Variants in CACNA2D1 observed in about 807,000 individuals in gnomAD.
CACNA2D1 encodes voltage-dependent calcium channel subunit alpha-2/delta-1.
In CACNA2D1, 53 loss-of-function variants were observed where a neutral mutation model predicts 171.5. The observed-to-expected ratio is 0.31, with a 90% confidence interval of 0.25 to 0.39. The LOEUF (loss-of-function observed/expected upper bound fraction) is 0.39, where lower values mean the gene tolerates loss of function less well. Among genes scored for constraint, CACNA2D1 ranks in the 10% least tolerant of loss-of-function variants. CACNA2D1 has a pLI of 1.00. For synonymous variants in CACNA2D1, 442 were observed against 443.1 expected (o/e 1.00, Z 0.03); for missense variants, 903 against 1,299.8 (o/e 0.69, Z 4.69).
chr7:82,025,780 CTCTA>C (rs966449712), intron 12 of CACNA2D1, among the ~76,000 whole-genome samples: 4 of 151,680 alleles, frequency 2.6e-5, no homozygotes, highest in African/African-American at 9.7e-5. Flanking sequence ...GTCAAATGTT[CTCTA>C]TCTGTTTAAG....
intron 1 of CACNA2D1, among the ~76,000 whole-genome samples, chr7:82,401,015 C>G (rs1826340780): frequency 6.6e-6 from 1 of 152,294 alleles, no homozygotes; most frequent in East Asian, 1.9e-4. Context: ...GATACCATCT[C>G]ACACCAGTTA....
chr7:82,399,468 A>T (rs1826111724), intron 1 of CACNA2D1, among the ~76,000 whole-genome samples: 1 of 152,080 alleles, frequency 6.6e-6, no homozygotes. Context: ...ACTCTGTTTT[A>T]AATAGCTATG....
intron 3 of CACNA2D1, among the ~76,000 whole-genome samples, chr7:82,196,640 G>A (rs1480068872): frequency 6.6e-6 from 1 of 152,014 alleles, no homozygotes; most frequent in East Asian, 1.9e-4. Context: ...ACAGTTGATG[G>A]AGGGGAGCAA....
chr7:82,182,607 T>C (rs1797248995), intron 3 of CACNA2D1, among the ~76,000 whole-genome samples: 1 of 151,786 alleles, frequency 6.6e-6, no homozygotes. Context: ...AATCTAAAAA[T>C]CAACTCTTCA....
At position 82,283,656 on chromosome 7, in the gene CACNA2D1, C is replaced by CA. The variant is rs200879942; in HGVS notation, c.294+51478dup. Among the ~76,000 whole-genome samples, 760 of 147,956 alleles carry CA rather than the reference C, an allele frequency of 5.1e-3. 15 individuals carry two copies. The East Asian group carries it at 0.079, about 15-fold the overall frequency. On this transcript the variant is annotated intron_variant, in intron 3 of 38. Coordinates refer to ENST00000356860, the MANE Select transcript of CACNA2D1 (RefSeq NM_000722.4). ...AAGATTCTTATATACTAACAATCACCATAAAGAATCTCTATTTTTTTTAGT... is the reference window on the plus strand; with the variant it reads ...AAGATTCTTATATACTAACAATCACCAATAAAGAATCTCTATTTTTTTTAGT...
At chr7:82,143,846 A>G (rs1271914356) in intron 4 of CACNA2D1, among the ~76,000 whole-genome samples, 1 of 152,142 alleles carries the variant, frequency 6.6e-6, no homozygotes, top group African/African-American at 2.4e-5. Flanking sequence ...AAAATTACAC[A>G]CCAGTAAATC....
At chr7:81,960,375 G>A (rs891093855) in intron 36 of CACNA2D1, among the ~76,000 whole-genome samples, 1 of 151,904 alleles carries the variant, frequency 6.6e-6, no homozygotes, top group Non-Finnish European at 1.5e-5. Flanking sequence ...TGTGACTGAG[G>A]CACAAAATTT....
Position 82,225,428 on chromosome 7 carries a change from T to C in CACNA2D1, c.295-54819A>G, listed in dbSNP as rs906639327. On this transcript the variant is annotated intron_variant, in intron 3 of 38. Coordinates refer to ENST00000356860, the MANE Select transcript of CACNA2D1 (RefSeq NM_000722.4). ...AAATTCTACCTACTACCTACCAGAATAGGATTCAAGAATTCCAACAATCTC... is the reference window on the plus strand; with the variant it reads ...AAATTCTACCTACTACCTACCAGAACAGGATTCAAGAATTCCAACAATCTC... Among the ~76,000 whole-genome samples the C allele has an allele frequency of 3.3e-5, 5 of 152,304 alleles. No homozygotes were observed. In the East Asian group the frequency reaches 5.8e-4, roughly 18 times the overall value.
At chr7:82,075,302 A>T (rs1433983626) in intron 7 of CACNA2D1, among the ~76,000 whole-genome samples, 1 of 152,216 alleles carries the variant, frequency 6.6e-6, no homozygotes, top group Non-Finnish European at 1.5e-5. Context: ...ATTTTTATTT[A>T]AAGGGGTATC....
chr7:82,413,759 T>G (rs556650599), intron 1 of CACNA2D1, among the ~76,000 whole-genome samples: 1 of 152,172 alleles, frequency 6.6e-6, no homozygotes, highest in Admixed American at 6.5e-5. Context: ...TTCTATTGGC[T>G]TTGTTTCTTC....
In CACNA2D1 at chr7:82,060,190, T is replaced by TATATATTATA. The variant is rs1491114373; in HGVS notation, c.879+237_879+238insTATAATATAT. 1.5e-4 allele frequency among the ~76,000 whole-genome samples: 2 copies of TATATATTATA among 13,128 alleles called. 1 individual carries two copies. The highest frequency in any genetic ancestry group is 2.9e-4 in the African/African-American group (2 of 7,008). 8.6% of individuals were successfully genotyped at this position (13,128 alleles called of 152,430 possible). ...AATATATATATATAATATATATATA[T>TATATATTATA]TATATATATATTATATATATAATAT... On this transcript the variant is annotated intron_variant, in intron 10 of 38. Coordinates refer to ENST00000356860, the MANE Select transcript of CACNA2D1 (RefSeq NM_000722.4).
intron 38 of CACNA2D1, among the ~76,000 whole-genome samples, chr7:81,951,974 T>TG (rs1554321703): frequency 1.0e-3 from 155 of 147,720 alleles, no homozygotes; most frequent in African/African-American, 3.5e-3. Flanking sequence ...AAAGTGTTTT[T>TG]TTTTTTTTTT....
intron 1 of CACNA2D1, among the ~76,000 whole-genome samples, chr7:82,438,505 G>A (rs528944843): frequency 8.7e-4 from 132 of 152,246 alleles, no homozygotes; most frequent in African/African-American, 3.0e-3. Context: ...TGACATTGAG[G>A]TCAATTGCCT....
At chr7:82,309,956 T>C (rs1814225832) in intron 3 of CACNA2D1, among the ~76,000 whole-genome samples, 1 of 152,270 alleles carries the variant, frequency 6.6e-6, no homozygotes, top group Middle Eastern at 3.4e-3. Flanking sequence ...TTATGTGAAA[T>C]TAAGTAATAG....
intron 1 of CACNA2D1, among the ~76,000 whole-genome samples, chr7:82,350,695 A>C (rs898046948): frequency 4.6e-5 from 7 of 152,190 alleles, no homozygotes; most frequent in South Asian, 2.1e-4. Context: ...ACAACAACAA[A>C]AAAATTATTT....
intron 10 of CACNA2D1, among the ~76,000 whole-genome samples, chr7:82,054,255 G>A (rs1805544169): frequency 6.6e-6 from 1 of 152,148 alleles, no homozygotes. Context: ...TTCTAATCAA[G>A]CTAGATGATA....
At chr7:82,067,017 AAAC>A (rs1011975441) in intron 7 of CACNA2D1, among the ~76,000 whole-genome samples, 3 of 152,164 alleles carry the variant, frequency 2.0e-5, no homozygotes, top group African/African-American at 7.2e-5. Flanking sequence ...GCTATAATTA[AAAC>A]AACTCCATAG....
chr7:81,986,242 A>G (rs1278303735), intron 21 of CACNA2D1, among the ~76,000 whole-genome samples: 2 of 152,172 alleles, frequency 1.3e-5, no homozygotes, highest in Non-Finnish European at 2.9e-5. Context: ...GTTTAATGTA[A>G]CCCACTTGGT....
At chr7:82,277,339 C>A (rs375350065) in intron 3 of CACNA2D1, among the ~76,000 whole-genome samples, 2 of 151,988 alleles carry the variant, frequency 1.3e-5, no homozygotes, top group East Asian at 1.9e-4. Context: ...GTAGCTGGGA[C>A]TACAGGTGCC....
Sources: gnomAD v4.1 joint callset for allele counts (sites outside exome capture counted in the v4.1 genomes callset) on GRCh38, gnomAD v4.1.1 for gene constraint, MANE v1.5 for transcripts, NCBI Gene and HGNC (gene_info 2026-07-23, HGNC 2026-07-21) for gene names.